JAKMIP1: variants seen among roughly 807,000 people sequenced by gnomAD.
The protein encoded by JAKMIP1 is janus kinase and microtubule interacting protein 1, also known as janus kinase and microtubule-interacting protein 1.
Under a neutral mutation model 113.0 loss-of-function variants are expected in JAKMIP1, and 33 were observed. That is an observed-to-expected ratio of 0.29 (90% CI 0.22 to 0.39). JAKMIP1 has a LOEUF of 0.39. Among genes scored for constraint, JAKMIP1 ranks in the 10% least tolerant of loss-of-function variants. The probability of loss-of-function intolerance (pLI) is 1.00; values close to 1 mark genes in which losing one functional copy is unlikely to be tolerated. For synonymous variants in JAKMIP1, 480 were observed against 459.9 expected, an observed-to-expected ratio of 1.04 and a Z score of -0.56; for missense variants, 813 against 1,080.5, an observed-to-expected ratio of 0.75 and a Z score of 3.47.
At chr4:6,123,181 C>T (rs1038907420) in intron 1 of JAKMIP1, among the ~76,000 whole-genome samples, 9 of 152,326 alleles carry the variant, frequency 5.9e-5, no homozygotes, top group African/African-American at 1.9e-4. Flanking sequence ...TGTACAGTCC[C>T]GTGGAACAGA....
rs1723878367 is a variant in JAKMIP1, at chr4:6,168,079, C to T, written c.-148+32174G>A. ...GCCCTCAGGGTAATACCAATCAAAA[C>T]CGCAGTGAGACGGCACCACACACCA... is the stretch of plus-strand genomic sequence containing the variant. On this transcript the variant is annotated intron_variant, in intron 1 of 20. Coordinates refer to ENST00000409021, the MANE Select transcript of JAKMIP1 (RefSeq NM_001099433.2). The surrounding 1 kb of genome is among the most constrained non-coding windows in gnomAD (Gnocchi z 4.6). 6.6e-6 allele frequency among the ~76,000 whole-genome samples: 1 copy of T among 152,190 alleles called. No homozygotes were observed.
chr4:6,055,715 G>T (rs533278589), intron 12 of JAKMIP1, among the ~76,000 whole-genome samples: 1 of 152,014 alleles, frequency 6.6e-6, no homozygotes, highest in South Asian at 2.1e-4. Context: ...CCCCATTTCT[G>T]CAGGTGTCCC....
At chr4:6,028,756 G>A (rs892310855) in intron 20 of JAKMIP1, among the ~76,000 whole-genome samples, 11 of 152,314 alleles carry the variant, frequency 7.2e-5, no homozygotes, top group South Asian at 4.1e-4. Flanking sequence ...CCCCCTCTTC[G>A]AGCACAGGCA....
intron 5 of JAKMIP1, among the ~76,000 whole-genome samples, chr4:6,083,775 T>C (rs1296801171): frequency 6.6e-6 from 1 of 152,168 alleles, no homozygotes; most frequent in African/African-American, 2.4e-5. Context: ...ATAAAAATTA[T>C]GAGGCATCTG....
chr4:6,031,282 G>C lies in JAKMIP1; in HGVS notation c.2380-1501C>G, dbSNP rs1712614892. Among the ~76,000 whole-genome samples, 1 of 152,024 alleles carries C rather than the reference G, an allele frequency of 6.6e-6. No homozygotes were observed. Among genetic ancestry groups the C allele is most frequent in the South Asian group, 2.1e-4 (1 of 4,810 alleles). ...ATGTCTCTACTAAAAATACAAAAATGAGCCGGGCTTGGTGGTGCGCTCCTG... is the reference window on the plus strand; with the variant it reads ...ATGTCTCTACTAAAAATACAAAAATCAGCCGGGCTTGGTGGTGCGCTCCTG... On this transcript the variant is annotated intron_variant, in intron 19 of 20. Coordinates refer to ENST00000409021, the MANE Select transcript of JAKMIP1 (RefSeq NM_001099433.2). The surrounding 1 kb of genome is among the most constrained non-coding windows in gnomAD (Gnocchi z 4.4).
At position 6,181,577 on chromosome 4, in the gene JAKMIP1, G is replaced by A. The variant is rs546240428; in HGVS notation, c.-148+18676C>T. Among the ~76,000 whole-genome samples the A allele has an allele frequency of 6.6e-5, 10 of 152,326 alleles. No homozygotes were observed. Among genetic ancestry groups the A allele is most frequent in the African/African-American group, 1.7e-4 (7 of 41,566 alleles). On this transcript the variant is annotated intron_variant, in intron 1 of 20. Transcript: ENST00000409021. This position sits in a 1 kb window ranked among gnomAD's most constrained non-coding sequence, Gnocchi z 5.4. ...GAGACCAGGGCCTATGGGTGCCAGC[G>A]TGGTGAGGGAAGGGACATCCAAAGT... is the stretch of plus-strand genomic sequence containing the variant.
rs903140793 is a variant in JAKMIP1, at chr4:6,061,316, G to A, written c.1561-809C>T. ...ACAAAGACTGGGCCTTTTATGGTGG[G>A]ACAAGCAGCTTCCCTCCCTGCTGAC... On this transcript the variant is annotated intron_variant, in intron 10 of 20. Coordinates refer to ENST00000409021, the MANE Select transcript of JAKMIP1 (RefSeq NM_001099433.2). This position sits in a 1 kb window ranked among gnomAD's most constrained non-coding sequence, Gnocchi z 5.3. Among the ~76,000 whole-genome samples the A allele has an allele frequency of 5.9e-5, 9 of 152,160 alleles. No individual in the cohort carries two copies. Among genetic ancestry groups the A allele is most frequent in the African/African-American group, 1.9e-4 (8 of 41,436 alleles).
chr4:6,071,719 G>T (rs952195693), intron 8 of JAKMIP1, among the ~76,000 whole-genome samples: 1 of 152,170 alleles, frequency 6.6e-6, no homozygotes, highest in Non-Finnish European at 1.5e-5. Context: ...CTCCTCTGGC[G>T]GTACCTCCAG....
rs1350083176 is a variant in JAKMIP1, at chr4:6,168,493, AC to A, written c.-148+31759del. Reference sequence around the variant, plus strand: ...AAGGAATGAAGTCTCAACACCTGCTACGACATGAATGAACCTGGAAAACATT... The same window carrying A: ...AAGGAATGAAGTCTCAACACCTGCTAGACATGAATGAACCTGGAAAACATT... On this transcript the variant is annotated intron_variant, in intron 1 of 20. Transcript: ENST00000409021. This position sits in a 1 kb window ranked among gnomAD's most constrained non-coding sequence, Gnocchi z 4.6. 6.6e-6 allele frequency among the ~76,000 whole-genome samples: 1 copy of A among 151,914 alleles called. No homozygotes were observed. The highest frequency in any genetic ancestry group is 2.4e-5 in the African/African-American group (1 of 41,156).
chr4:6,095,356 G>A (rs1045795436), intron 3 of JAKMIP1, among the ~76,000 whole-genome samples: 1 of 151,384 alleles, frequency 6.6e-6, no homozygotes, highest in African/African-American at 2.4e-5. Context: ...AAGGGAGGAA[G>A]AAAGGAAAGA....
In JAKMIP1 at chr4:6,088,269, G is replaced by C. The variant is rs77710155; in HGVS notation, c.625-2640C>G. Among the ~76,000 whole-genome samples the C allele has an allele frequency of 0.039, 5,926 of 152,186 alleles. 317 individuals are homozygous for C. Among genetic ancestry groups the C allele is most frequent in the African/African-American group, 0.12 (4,958 of 41,514 alleles). On this transcript the variant is annotated intron_variant, in intron 3 of 20. Coordinates refer to ENST00000409021, the MANE Select transcript of JAKMIP1 (RefSeq NM_001099433.2). The surrounding 1 kb of genome is among the most constrained non-coding windows in gnomAD (Gnocchi z 5.5). ...TGATTGAGAGTGATTTGTGCTATGAGGGGGAAAAAAAACAATAACAACATC... is the reference window on the plus strand; with the variant it reads ...TGATTGAGAGTGATTTGTGCTATGACGGGGAAAAAAAACAATAACAACATC...
intron 1 of JAKMIP1, among the ~76,000 whole-genome samples, chr4:6,163,962 G>A (rs1478568041): frequency 1.6e-4 from 25 of 152,188 alleles, no homozygotes; most frequent in Non-Finnish European, 4.4e-5. Context: ...GGAGGTTTAA[G>A]GAAAGAAGCC....
intron 16 of JAKMIP1, among the ~76,000 whole-genome samples, chr4:6,046,270 C>G (rs1714982168): frequency 6.6e-6 from 1 of 152,236 alleles, no homozygotes; most frequent in Non-Finnish European, 1.5e-5. Context: ...GCTCTTACAC[C>G]AACATCCTCT....
At position 6,080,448 on chromosome 4, in the gene JAKMIP1, G is replaced by A; in HGVS notation, c.1102-136C>T. 9.4e-7 allele frequency: 1 copy of A among 1,068,028 alleles called. No homozygotes were observed. The highest frequency in any genetic ancestry group is 1.7e-5 in the South Asian group (1 of 60,014). 66.2% of individuals were successfully genotyped at this position (1,068,028 alleles called of 1,614,324 possible). On this transcript the variant is annotated intron_variant, in intron 6 of 20. Coordinates refer to ENST00000409021, the MANE Select transcript of JAKMIP1 (RefSeq NM_001099433.2). This position sits in a 1 kb window ranked among gnomAD's most constrained non-coding sequence, Gnocchi z 6.0. ...ATGAAAGAGATGATGGCCTGATATG[G>A]TTTGGCTGTGTCCCCACCCAAATCT...
At chr4:6,165,674 A>G (rs1723535781) in intron 1 of JAKMIP1, among the ~76,000 whole-genome samples, 1 of 152,234 alleles carries the variant, frequency 6.6e-6, no homozygotes, top group African/African-American at 2.4e-5. Flanking sequence ...AAGAGACTAC[A>G]ACAGAGTGTA....
chr4:6,048,753 G>T, intron 16 of JAKMIP1, 104 bp downstream of exon 16: 1 of 930,998 alleles, frequency 1.1e-6, no homozygotes, highest in South Asian at 1.4e-5. Flanking sequence ...CAGACGGACT[G>T]GAACGCATGC....
rs968629298 is a variant in JAKMIP1 at position 6,108,132 on chromosome 4, G to C, written c.130-2165C>G. On this transcript the variant is annotated intron_variant, in intron 2 of 20. Coordinates refer to ENST00000409021, the MANE Select transcript of JAKMIP1 (RefSeq NM_001099433.2). The surrounding 1 kb of genome is among the most constrained non-coding windows in gnomAD (Gnocchi z 5.6). ...GGTGTGTAGGGCAGGGATGGTGACA[G>C]AGAGGCAGGGGCCTGGGGACAGGGC... 2.8e-4 allele frequency among the ~76,000 whole-genome samples: 42 copies of C among 152,228 alleles called. No homozygotes were observed. Among genetic ancestry groups the C allele is most frequent in the African/African-American group, 1.0e-3 (42 of 41,546 alleles).
chr4:6,121,661 G>A (rs748968131), intron 1 of JAKMIP1, among the ~76,000 whole-genome samples: 3 of 152,214 alleles, frequency 2.0e-5, no homozygotes, highest in Non-Finnish European at 4.4e-5. Context: ...CTCGGCACAC[G>A]CCATCTACTC....
chr4:6,066,223 G>C (rs1718058385), intron 8 of JAKMIP1, among the ~76,000 whole-genome samples: 1 of 152,034 alleles, frequency 6.6e-6, no homozygotes, highest in Non-Finnish European at 1.5e-5. Context: ...GTTTTACCCA[G>C]ATATCTGTAA....
Sources: allele counts gnomAD v4.1 joint callset (sites outside exome capture counted in the v4.1 genomes callset), GRCh38; gene constraint gnomAD v4.1.1; non-coding constraint Gnocchi (gnomAD v3.1); transcripts MANE v1.5; gene names NCBI Gene and HGNC (gene_info 2026-07-23, HGNC 2026-07-21).